CALD1: variants seen among roughly 807,000 people sequenced by gnomAD.
CALD1 encodes the protein caldesmon.
Under a neutral mutation model 99.9 loss-of-function variants are expected in CALD1, and 33 were observed. The observed-to-expected ratio is 0.33, with a 90% confidence interval of 0.25 to 0.44. The LOEUF is 0.44. Among genes scored for constraint, CALD1 ranks in the 20% least tolerant of loss-of-function variants. CALD1 has a pLI of 1.00. For missense variants in CALD1, 861 were observed against 962.1 expected, an observed-to-expected ratio of 0.89 and a Z score of 1.39; for synonymous variants, 310 against 325.0, an observed-to-expected ratio of 0.95 and a Z score of 0.50.
In CALD1 at chr7:134,765,675, G is replaced by A. The variant is rs551877210; in HGVS notation, c.-130+21312G>A. Reference sequence around the variant, plus strand: ...TGTTGAATTGTAATCTGCAGTATTGGAGGTGGGGCCTGGTAGGAGGTGATC... The same window carrying A: ...TGTTGAATTGTAATCTGCAGTATTGAAGGTGGGGCCTGGTAGGAGGTGATC... On this transcript the variant is annotated intron_variant, in intron 1 of 13. Coordinates refer to the CALD1 transcript ENST00000417172. 1.5e-4 allele frequency among the ~76,000 whole-genome samples: 23 copies of A among 152,308 alleles called. No homozygotes were observed. In the South Asian group the frequency reaches 4.8e-3, roughly 32 times the overall value.
intron 1 of CALD1, among the ~76,000 whole-genome samples, chr7:134,751,544 T>C (rs1489328372): frequency 6.6e-6 from 1 of 152,218 alleles, no homozygotes; most frequent in Non-Finnish European, 1.5e-5. Flanking sequence ...GAATACATCA[T>C]TTATCCCAGT....
upstream of CALD1, among the ~76,000 whole-genome samples, chr7:134,775,450 G>A (rs529761959): frequency 5.3e-5 from 8 of 152,122 alleles, no homozygotes; most frequent in Admixed American, 2.6e-4. Context: ...TGTGGCTCTC[G>A]CCTGGAATCC....
At chr7:134,776,567 TTGTGTTTG>T (rs1367540308), upstream of CALD1, among the ~76,000 whole-genome samples, 1 of 152,138 alleles carries the variant, frequency 6.6e-6, no homozygotes, top group Non-Finnish European at 1.5e-5. Context: ...AAATTCTCTA[TTGTGTTTG>T]GTACTTTTGT....
chr7:134,822,420 A>G (rs116807943), intron 1 of CALD1, among the ~76,000 whole-genome samples: 3,193 of 152,290 alleles, frequency 0.021, 115 homozygotes, highest in African/African-American at 0.072. Context: ...TGTCTGAACA[A>G]GATATGAATT....
intron 3 of CALD1, among the ~76,000 whole-genome samples, chr7:134,920,322 A>G (rs993202073): frequency 3.2e-5 from 4 of 125,716 alleles, no homozygotes; most frequent in Non-Finnish European, 5.5e-5. Flanking sequence ...TGTGTGAGTC[A>G]TTTTGCCTCC....
At chr7:134,812,583 TA>T (rs55688126) in intron 1 of CALD1, among the ~76,000 whole-genome samples, 7,240 of 143,570 alleles carry the variant, frequency 0.05, 181 homozygotes, top group Non-Finnish European at 0.06. Context: ...AAAGAATAGT[TA>T]AAAAAAAAAA....
chr7:134,816,845 A>G (rs1586016113), intron 1 of CALD1, among the ~76,000 whole-genome samples: 1 of 152,206 alleles, frequency 6.6e-6, no homozygotes, highest in Non-Finnish European at 1.5e-5. Flanking sequence ...CTGTGTCAGA[A>G]GGTAGAACAA....
At chr7:134,856,901 C>T (rs1172576143) in intron 2 of CALD1, among the ~76,000 whole-genome samples, 1 of 152,232 alleles carries the variant, frequency 6.6e-6, no homozygotes, top group African/African-American at 2.4e-5. Context: ...TAAACACTGC[C>T]CTGGCATCTG....
intron 1 of CALD1, among the ~76,000 whole-genome samples, chr7:134,806,396 G>A (rs1343269812): frequency 6.6e-6 from 1 of 152,168 alleles, no homozygotes; most frequent in East Asian, 1.9e-4. Flanking sequence ...CACCTTTCTA[G>A]CTTGTGGCTT....
rs138875976 is a variant in CALD1 at position 134,944,092 on chromosome 7, G to A, written c.1532+2855G>A. 2.7e-3 allele frequency among the ~76,000 whole-genome samples: 411 copies of A among 152,214 alleles called. 5 individuals are homozygous for A. The highest frequency in any genetic ancestry group is 9.5e-3 in the African/African-American group (393 of 41,550). Reference sequence around the variant, plus strand: ...CAAAGAGAGAGCAAACTCATTTTTGGAAGGAAAGACCCTAAATTGACTGAG... The same window carrying A: ...CAAAGAGAGAGCAAACTCATTTTTGAAAGGAAAGACCCTAAATTGACTGAG... On this transcript the variant is annotated intron_variant, in intron 7 of 14. Transcript: ENST00000361675.
chr7:134,914,095 T>C (rs1341985145), intron 3 of CALD1, among the ~76,000 whole-genome samples: 1 of 152,212 alleles, frequency 6.6e-6, no homozygotes, highest in African/African-American at 2.4e-5. Flanking sequence ...GTTTCATTAA[T>C]CTATCATCTT....
At chr7:134,869,302 T>C (rs1346253536) in intron 3 of CALD1, among the ~76,000 whole-genome samples, 2 of 152,174 alleles carry the variant, frequency 1.3e-5, no homozygotes, top group Non-Finnish European at 2.9e-5. Flanking sequence ...GGAAAATGGA[T>C]TGGACTGGTA....
chr7:134,922,258 C>T (rs927464292), intron 3 of CALD1, among the ~76,000 whole-genome samples: 3 of 152,112 alleles, frequency 2.0e-5, no homozygotes, highest in African/African-American at 7.2e-5. Context: ...TTTAATGCTC[C>T]TAAACATGTA....
intron 2 of CALD1, among the ~76,000 whole-genome samples, chr7:134,863,127 T>G (rs10243665): frequency 0.19 from 29,532 of 152,122 alleles, 3,735 homozygotes; most frequent in African/African-American, 0.36. Flanking sequence ...TCACCTCATC[T>G]TGACTACATC....
rs562493763 is a variant in CALD1, at chr7:134,789,714, G to T, written c.-130+9965G>T. Among the ~76,000 whole-genome samples the T allele has an allele frequency of 2.0e-5, 3 of 152,184 alleles. No homozygotes were observed. The East Asian group carries it at 5.8e-4, about 29-fold the overall frequency. ...GCCATCCTGTAGACAGATTAAAAAG[G>T]GCTCACTGCTTCTACATTTGGGGTC... is the stretch of plus-strand genomic sequence containing the variant. On this transcript the variant is annotated intron_variant, in intron 1 of 14. Transcript: ENST00000361675.
At chr7:134,935,546 C>T in intron 5 of CALD1, 142 bp from the exon 6 acceptor site, 1 of 1,332,200 alleles carries the variant, frequency 7.5e-7, no homozygotes, top group African/African-American at 1.5e-5. Flanking sequence ...TGTTTAGAAC[C>T]ACTGTGCTGT....
In CALD1 at chr7:134,941,851, TG is replaced by T. The variant is rs1184033464; in HGVS notation, c.1532+615del. On this transcript the variant is annotated intron_variant, in intron 7 of 14. Transcript: ENST00000361675. The stretch of plus-strand genomic sequence containing the variant: ...TTTATACAGTTTGGAAAAACTCTCT[TG>T]TATAGCTTGAGCTTTCCCCTCAACA... Among the ~76,000 whole-genome samples the T allele has an allele frequency of 3.3e-5, 5 of 152,314 alleles. No homozygotes were observed. In the East Asian group the frequency reaches 7.7e-4, roughly 24 times the overall value.
intron 13 of CALD1, 95 bp downstream of exon 13, chr7:134,960,723 G>A: frequency 1.4e-6 from 1 of 736,824 alleles, no homozygotes; most frequent in South Asian, 1.6e-5. Context: ...AGGAATGGCA[G>A]TGCCCCTGTT....
At chr7:134,764,427 T>A (rs1457381475) in intron 1 of CALD1, among the ~76,000 whole-genome samples, 1 of 152,332 alleles carries the variant, frequency 6.6e-6, no homozygotes, top group East Asian at 1.9e-4. Flanking sequence ...GATTTTATGA[T>A]ATAGACTTGA....
Sources: gnomAD v4.1 joint callset for allele counts (sites outside exome capture counted in the v4.1 genomes callset) on GRCh38, gnomAD v4.1.1 for gene constraint, MANE v1.5 for transcripts, NCBI Gene and HGNC (gene_info 2026-07-23, HGNC 2026-07-21) for gene names.